Variants in CACNA2D3 observed in about 807,000 individuals in gnomAD.
The protein encoded by CACNA2D3 is voltage-dependent calcium channel subunit alpha-2/delta-3.
CACNA2D3 carries 60 observed loss-of-function variants against 160.6 expected under a neutral mutation model. That is an observed-to-expected ratio of 0.37 (90% CI 0.30 to 0.46). The LOEUF is 0.46. Among genes scored for constraint, CACNA2D3 ranks in the 20% least tolerant of loss-of-function variants. The pLI, the probability that CACNA2D3 is intolerant of heterozygous loss-of-function variation, is 1.00. For synonymous variants in CACNA2D3, 558 were observed against 492.9 expected (o/e 1.13, Z -1.75); for missense variants, 1,205 against 1,365.0 (o/e 0.88, Z 1.85).
chr3:54,716,647 G>C (rs1701056154), intron 11 of CACNA2D3, among the ~76,000 whole-genome samples: 1 of 152,070 alleles, frequency 6.6e-6, no homozygotes, highest in Non-Finnish European at 1.5e-5. Flanking sequence ...ACATTGTTAG[G>C]GTGGCCCCTG....
chr3:54,862,241 TTTC>T (rs1458204723), intron 17 of CACNA2D3, among the ~76,000 whole-genome samples: 13 of 152,144 alleles, frequency 8.5e-5, no homozygotes, highest in Non-Finnish European at 1.8e-4. Context: ...ATCTGGGAAA[TTTC>T]TTTCATGGAA....
At chr3:54,358,180 T>G (rs1698681710) in intron 3 of CACNA2D3, among the ~76,000 whole-genome samples, 1 of 152,228 alleles carries the variant, frequency 6.6e-6, no homozygotes, top group Non-Finnish European at 1.5e-5. Flanking sequence ...GGGAGTTCTA[T>G]TTTCTTCTCA....
chr3:54,806,004 C>T (rs139454618), intron 13 of CACNA2D3, among the ~76,000 whole-genome samples: 24,157 of 152,044 alleles, frequency 0.16, 1,956 homozygotes, highest in East Asian at 0.19. Flanking sequence ...ATTCAACAAC[C>T]CTTCATGCTA....
intron 9 of CACNA2D3, among the ~76,000 whole-genome samples, chr3:54,589,357 T>G (rs930555612): frequency 3.3e-5 from 5 of 151,888 alleles, no homozygotes; most frequent in Non-Finnish European, 7.4e-5. Context: ...TAACCTTGAC[T>G]CAAACCTCAC....
intron 2 of CACNA2D3, among the ~76,000 whole-genome samples, chr3:54,245,061 G>A (rs1361436065): frequency 1.3e-5 from 2 of 152,144 alleles, no homozygotes; most frequent in African/African-American, 4.8e-5. Context: ...CCAGGACAGT[G>A]CCAGTTTACA....
intron 11 of CACNA2D3, among the ~76,000 whole-genome samples, chr3:54,663,598 C>T (rs547245580): frequency 2.8e-4 from 43 of 152,294 alleles, no homozygotes; most frequent in Non-Finnish European, 4.4e-4. Context: ...ACAAGAAAGG[C>T]GATGAAGACA....
chr3:54,898,941 G>A (rs1299912492), intron 26 of CACNA2D3, among the ~76,000 whole-genome samples: 1 of 152,184 alleles, frequency 6.6e-6, no homozygotes, highest in Non-Finnish European at 1.5e-5. Context: ...TTGAATACCT[G>A]TACAAACTAG....
chr3:54,894,574 G>T (rs369112626), intron 25 of CACNA2D3: 1 of 512,670 alleles, frequency 2.0e-6, no homozygotes, highest in Non-Finnish European at 3.9e-6. Flanking sequence ...GTGCTGCATA[G>T]ACAGGGCACC....
intron 2 of CACNA2D3, among the ~76,000 whole-genome samples, chr3:54,232,523 A>G (rs532808988): frequency 6.6e-6 from 1 of 152,308 alleles, no homozygotes; most frequent in South Asian, 2.1e-4. Flanking sequence ...AGGAAACGTT[A>G]CAAGCGGTGA....
intron 11 of CACNA2D3, among the ~76,000 whole-genome samples, chr3:54,643,861 G>A (rs1425576770): frequency 6.6e-6 from 1 of 152,124 alleles, no homozygotes; most frequent in Non-Finnish European, 1.5e-5. Flanking sequence ...GTAGGGCCAT[G>A]GACATTTTGC....
intron 3 of CACNA2D3, among the ~76,000 whole-genome samples, chr3:54,361,433 G>C (rs561177085): frequency 2.0e-4 from 31 of 152,240 alleles, no homozygotes; most frequent in Admixed American, 1.4e-3. Flanking sequence ...GCCCAGTTCA[G>C]CTTCTCAGGT....
At chr3:54,753,103 T>C (rs1223604606) in intron 12 of CACNA2D3, among the ~76,000 whole-genome samples, 2 of 152,162 alleles carry the variant, frequency 1.3e-5, no homozygotes, top group African/African-American at 4.8e-5. Flanking sequence ...TCAAGTGATC[T>C]GCCCACCTTG....
chr3:54,238,599 A>T (rs1701923672), intron 2 of CACNA2D3, among the ~76,000 whole-genome samples: 2 of 152,206 alleles, frequency 1.3e-5, no homozygotes, highest in Admixed American at 1.3e-4. Flanking sequence ...ACATGACAGT[A>T]CCTGGCAGAG....
At chr3:54,805,875 C>G (rs1458137774) in intron 13 of CACNA2D3, among the ~76,000 whole-genome samples, 3 of 152,142 alleles carry the variant, frequency 2.0e-5, no homozygotes, top group Non-Finnish European at 2.9e-5. Flanking sequence ...GGCTTCATCC[C>G]TGGGATGCAA....
chr3:54,248,806 C>CCA (rs1208943319), intron 2 of CACNA2D3, among the ~76,000 whole-genome samples: 1 of 152,122 alleles, frequency 6.6e-6, no homozygotes, highest in Non-Finnish European at 1.5e-5. Flanking sequence ...TTGGGTTACT[C>CCA]CAGCAGATAA....
intron 12 of CACNA2D3, among the ~76,000 whole-genome samples, chr3:54,760,720 C>A (rs1295770830): frequency 2.0e-5 from 3 of 151,916 alleles, no homozygotes; most frequent in Non-Finnish European, 4.4e-5. Context: ...ACCAGAAGAA[C>A]ATGCTGGTGT....
At chr3:54,563,122 A>G (rs967595094) in intron 6 of CACNA2D3, among the ~76,000 whole-genome samples, 191 bp downstream of exon 6, 3 of 152,186 alleles carry the variant, frequency 2.0e-5, no homozygotes, top group African/African-American at 7.2e-5. Context: ...GCACACACAC[A>G]GGACATGATC....
intron 3 of CACNA2D3, among the ~76,000 whole-genome samples, chr3:54,322,005 A>G (rs1280744645): frequency 2.6e-5 from 4 of 152,054 alleles, no homozygotes; most frequent in Non-Finnish European, 5.9e-5. Context: ...TTCTTTGTGA[A>G]TCACAGAATT....
chr3:54,707,309 A>G (rs1370332016), intron 11 of CACNA2D3, among the ~76,000 whole-genome samples: 5 of 152,164 alleles, frequency 3.3e-5, no homozygotes, highest in Non-Finnish European at 5.9e-5. Context: ...GAAGTTTGTT[A>G]TGTTTCCCAC....
Sources: allele counts gnomAD v4.1 joint callset (sites outside exome capture counted in the v4.1 genomes callset), GRCh38; gene constraint gnomAD v4.1.1; transcripts MANE v1.5; gene names NCBI Gene and HGNC (gene_info 2026-07-23, HGNC 2026-07-21).